KAZN: variants seen among roughly 807,000 people sequenced by gnomAD.
KAZN encodes kazrin, periplakin interacting protein.
KAZN carries 40 observed loss-of-function variants against 87.4 expected under a neutral mutation model. The observed-to-expected ratio is 0.46, with a 90% CI of 0.36 to 0.60. The LOEUF is 0.60. Among genes scored for constraint, KAZN ranks in the 20% least tolerant of loss-of-function variants. The pLI, the probability that KAZN is intolerant of heterozygous loss-of-function variation, is 0.00. For synonymous variants in KAZN, 466 were observed against 458.3 expected (o/e 1.02, Z -0.22); for missense variants, 898 against 1,073.9 (o/e 0.84, Z 2.29).
chr1:14,558,575 G>A (rs1184496222), intron 2 of KAZN, among the ~76,000 whole-genome samples: 6 of 152,108 alleles, frequency 3.9e-5, no homozygotes, highest in Admixed American at 3.9e-4. Context: ...GTCATGTTCT[G>A]TTTCTTGGTC....
In KAZN at chr1:14,896,030, G is replaced by GA. The variant is rs1349517488; in HGVS notation, c.227-64649dup. Among the ~76,000 whole-genome samples, 141 of 146,310 alleles carry GA rather than the reference G, an allele frequency of 9.6e-4. 1 individual carries two copies. The highest frequency in any genetic ancestry group is 7.1e-3 in the Middle Eastern group (2 of 280). On this transcript the variant is annotated intron_variant, in intron 1 of 14. Coordinates refer to ENST00000376030, the MANE Select transcript of KAZN (RefSeq NM_201628.3). ...AGGACAAAGGTCAGTAAGTACAAAT[G>GA]AAAAAGACGCCTTTTTTTTTTTTTT...
At chr1:14,434,215 G>A (rs566655054) in intron 2 of KAZN, among the ~76,000 whole-genome samples, 146 of 152,136 alleles carry the variant, frequency 9.6e-4, no homozygotes, top group Admixed American at 3.7e-3. Context: ...CCAGTTTGGG[G>A]CTATCATGAA....
chr1:14,795,756 C>A (rs537267878), intron 1 of KAZN, among the ~76,000 whole-genome samples: 5 of 152,178 alleles, frequency 3.3e-5, no homozygotes, highest in African/African-American at 9.7e-5. Context: ...CCCCTCTGAC[C>A]TCCTTGCTTT....
At chr1:14,040,774 A>G (rs920170125) in intron 1 of KAZN, among the ~76,000 whole-genome samples, 1 of 141,452 alleles carries the variant, frequency 7.1e-6, no homozygotes, top group Admixed American at 7.1e-5. Context: ...CAAAAAAATT[A>G]AAATAAAATA....
At chr1:14,895,280 T>C (rs1342396930) in intron 1 of KAZN, among the ~76,000 whole-genome samples, 2 of 152,234 alleles carry the variant, frequency 1.3e-5, no homozygotes, top group African/African-American at 4.8e-5. Flanking sequence ...TGCCGTGGCT[T>C]GCATGCTGGG....
At chr1:14,981,183 A>C (rs936649830) in intron 2 of KAZN, among the ~76,000 whole-genome samples, 1 of 152,226 alleles carries the variant, frequency 6.6e-6, no homozygotes, top group Non-Finnish European at 1.5e-5. Context: ...GTGGTGTGCC[A>C]CAGCATAGCT....
At chr1:15,048,710 T>TCGGTCC in intron 4 of KAZN, among the ~76,000 whole-genome samples, 1 of 144,266 alleles carries the variant, frequency 6.9e-6, no homozygotes, top group Non-Finnish European at 1.5e-5. Flanking sequence ...TCCTTGGTCG[T>TCGGTCC]TGGTCCTGGG....
intron 2 of KAZN, among the ~76,000 whole-genome samples, chr1:14,983,534 C>T (rs1015003915): frequency 1.3e-5 from 1 of 74,334 alleles, no homozygotes; most frequent in Admixed American, 1.4e-4. Context: ...GGAGCAAAAT[C>T]ACATATGCAT....
At chr1:14,398,512 A>G (rs957007238) in intron 2 of KAZN, among the ~76,000 whole-genome samples, 18 of 152,206 alleles carry the variant, frequency 1.2e-4, no homozygotes, top group Non-Finnish European at 2.2e-4. Context: ...TATCCCTTTT[A>G]AAGGGCTTGA....
intron 1 of KAZN, among the ~76,000 whole-genome samples, chr1:13,979,926 G>T (rs1211969285): frequency 1.4e-5 from 1 of 71,960 alleles, no homozygotes; most frequent in Middle Eastern, 0.01. Context: ...GCAAGACTCC[G>T]TCTCAAAAAA....
In KAZN at chr1:14,003,019, C is replaced by T. The variant is rs186746265; in HGVS notation, c.91+109263C>T. ...TACATATATGCCATGGAATACTATG[C>T]AGCCATAAAAAGGAATGAGATTATG... On this transcript the variant is annotated intron_variant, in intron 1 of 16. Transcript: ENST00000636203. Among the ~76,000 whole-genome samples, 219 of 152,262 alleles carry T rather than the reference C, an allele frequency of 1.4e-3. 1 individual carries two copies. Among genetic ancestry groups the T allele is most frequent in the Non-Finnish European group, 2.6e-3 (175 of 68,030 alleles).
chr1:14,556,362 G>A (rs1423296897), intron 2 of KAZN, among the ~76,000 whole-genome samples: 1 of 152,012 alleles, frequency 6.6e-6, no homozygotes, highest in Non-Finnish European at 1.5e-5. Flanking sequence ...ACACGCCTCG[G>A]CCACCCAAAG....
intron 1 of KAZN, among the ~76,000 whole-genome samples, chr1:14,665,968 G>C (rs902950219): frequency 6.7e-6 from 1 of 148,170 alleles, no homozygotes; most frequent in Admixed American, 6.7e-5. Flanking sequence ...ATACAGAAAG[G>C]TCAGGAGATG....
At chr1:14,165,683 C>T (rs891190612) in intron 1 of KAZN, among the ~76,000 whole-genome samples, 2 of 152,194 alleles carry the variant, frequency 1.3e-5, no homozygotes, top group Non-Finnish European at 2.9e-5. Flanking sequence ...GTCATCAGCA[C>T]CCTCAGACTT....
At chr1:14,959,388 A>G (rs980493642) in intron 1 of KAZN, among the ~76,000 whole-genome samples, 1 of 151,748 alleles carries the variant, frequency 6.6e-6, no homozygotes, top group Non-Finnish European at 1.5e-5. Flanking sequence ...AGAGTGTGGC[A>G]TATTGTAGAG....
intron 2 of KAZN, among the ~76,000 whole-genome samples, chr1:14,482,190 C>G (rs1482017713): frequency 6.6e-6 from 1 of 152,206 alleles, no homozygotes; most frequent in African/African-American, 2.4e-5. Flanking sequence ...TGCTCACCCC[C>G]TCCCGCTAGC....
At chr1:13,997,244 A>G (rs890663031) in intron 1 of KAZN, among the ~76,000 whole-genome samples, 1 of 152,180 alleles carries the variant, frequency 6.6e-6, no homozygotes, top group African/African-American at 2.4e-5. Flanking sequence ...GATCAAAACT[A>G]GACAAACTCA....
chr1:14,661,820 G>A (rs1639188550), intron 1 of KAZN, among the ~76,000 whole-genome samples: 1 of 152,134 alleles, frequency 6.6e-6, no homozygotes. Context: ...GGTGGCTGAG[G>A]CGTGAGGATC....
At chr1:14,716,960 G>C (rs1030585444) in intron 1 of KAZN, among the ~76,000 whole-genome samples, 3 of 151,792 alleles carry the variant, frequency 2.0e-5, no homozygotes, top group South Asian at 2.1e-4. Flanking sequence ...TCTGAGACTT[G>C]ACTCACAGCA....
Sources: allele counts gnomAD v4.1 joint callset (sites outside exome capture counted in the v4.1 genomes callset), GRCh38; gene constraint gnomAD v4.1.1; transcripts MANE v1.5; gene names NCBI Gene and HGNC (gene_info 2026-07-23, HGNC 2026-07-21).